LARGE1: variants seen among roughly 807,000 people sequenced by gnomAD.
LARGE1 encodes xylosyl- and glucuronyltransferase LARGE1.
LARGE1 carries 43 observed loss-of-function variants against 87.6 expected under a neutral mutation model. The observed-to-expected ratio is 0.49, with a 90% confidence interval of 0.38 to 0.63. LARGE1 has a LOEUF of 0.63. Ranked by LOEUF, LARGE1 falls within the 30% of genes least tolerant of loss-of-function variation. The pLI, the probability that LARGE1 is intolerant of heterozygous loss-of-function variation, is 0.00. For synonymous variants in LARGE1, 434 were observed against 394.6 expected (o/e 1.10, Z -1.18); for missense variants, 802 against 1,000.2 (o/e 0.80, Z 2.67).
At chr22:33,270,795 G>T (rs1446911106), downstream of LARGE1, among the ~76,000 whole-genome samples, 1 of 152,204 alleles carries the variant, frequency 6.6e-6, no homozygotes, top group Non-Finnish European at 1.5e-5. Flanking sequence ...CAGAATTAAA[G>T]TAGGGTCTGT....
At chr22:33,587,369 G>A (rs945618186) in intron 5 of LARGE1, among the ~76,000 whole-genome samples, 2 of 152,148 alleles carry the variant, frequency 1.3e-5, no homozygotes, top group Admixed American at 6.5e-5. Flanking sequence ...GTATTCTGAT[G>A]TTGACTTACA....
intron 11 of LARGE1, among the ~76,000 whole-genome samples, chr22:33,188,931 C>T (rs137408): frequency 0.42 from 64,261 of 151,826 alleles, 13,936 homozygotes; most frequent in Middle Eastern, 0.47. Context: ...CAGTCATGGG[C>T]TATGTCAAGG....
At position 33,303,845 on chromosome 22, in the gene LARGE1, G is replaced by A. The variant is rs149190054; in HGVS notation, c.1730+384C>T. Reference sequence around the variant, plus strand: ...TCACCATGTTGGCCAGGATGGTCTCGAACTCCTGACCTCGTGATCCACCTG... The same window carrying A: ...TCACCATGTTGGCCAGGATGGTCTCAAACTCCTGACCTCGTGATCCACCTG... On this transcript the variant is annotated intron_variant, in intron 12 of 14. Coordinates refer to ENST00000397394, the MANE Select transcript of LARGE1 (RefSeq NM_133642.5). Among the ~76,000 whole-genome samples, 961 of 151,848 alleles carry A rather than the reference G, an allele frequency of 6.3e-3. 6 individuals carry two copies. Among genetic ancestry groups the A allele is most frequent in the Non-Finnish European group, 0.011 (737 of 67,982 alleles).
At position 33,545,864 on chromosome 22, in the gene LARGE1, G is replaced by A. The variant is rs150968687; in HGVS notation, c.787+18984C>T. ...CTCCCGACGTGCTTGGATTACAGGC[G>A]TGAGCCATGGCAGGTGCCCTGGACA... On this transcript the variant is annotated intron_variant, in intron 6 of 14. Transcript: ENST00000397394. 3.3e-5 allele frequency among the ~76,000 whole-genome samples: 5 copies of A among 152,286 alleles called. No individual in the cohort carries two copies. The East Asian group carries it at 9.7e-4, about 29-fold the overall frequency.
intron 6 of LARGE1, among the ~76,000 whole-genome samples, chr22:33,533,951 A>G (rs557878286): frequency 1.7e-5 from 2 of 115,712 alleles, no homozygotes; most frequent in African/African-American, 6.6e-5. Context: ...CCATTTCTTT[A>G]TTTTTTTTTT....
chr22:33,141,169 AT>A, the LARGE1 span, among the ~76,000 whole-genome samples: 2 of 143,876 alleles, frequency 1.4e-5, no homozygotes, highest in African/African-American at 2.6e-5. Context: ...TATTCTCAGA[AT>A]CTCTCTCTCT....
At position 33,447,559 on chromosome 22, in the gene LARGE1, C is replaced by A. The variant is rs546580362; in HGVS notation, c.788-15294G>T. 2.0e-5 allele frequency among the ~76,000 whole-genome samples: 3 copies of A among 152,222 alleles called. No individual in the cohort carries two copies. In the South Asian group the frequency reaches 6.2e-4, roughly 32 times the overall value. Reference sequence around the variant, plus strand: ...CGTCCCAATGCACAGCCTCCTAGCACTCTCTTCCTGCTTGCTGAATAGAAT... The same window carrying A: ...CGTCCCAATGCACAGCCTCCTAGCAATCTCTTCCTGCTTGCTGAATAGAAT... On this transcript the variant is annotated intron_variant, in intron 6 of 14. Transcript: ENST00000397394.
At chr22:33,672,274 C>A (rs549849434) in intron 2 of LARGE1, among the ~76,000 whole-genome samples, 1 of 152,308 alleles carries the variant, frequency 6.6e-6, no homozygotes, top group East Asian at 1.9e-4. Context: ...CCACTCACAA[C>A]ACCTCCCTCA....
downstream of LARGE1, among the ~76,000 whole-genome samples, chr22:33,268,728 A>C (rs561065492): frequency 5.3e-5 from 8 of 152,206 alleles, no homozygotes; most frequent in South Asian, 1.7e-3. Context: ...CGCCCGGCCT[A>C]GTTGTTATAA....
At chr22:33,822,057 C>A (rs1004029260) in intron 1 of LARGE1, among the ~76,000 whole-genome samples, 1 of 147,430 alleles carries the variant, frequency 6.8e-6, no homozygotes, top group Admixed American at 6.9e-5. Context: ...TAAATATATT[C>A]TAAATTTTTC....
chr22:33,539,028 C>T (rs139416905), intron 6 of LARGE1, among the ~76,000 whole-genome samples: 422 of 152,248 alleles, frequency 2.8e-3, no homozygotes, highest in Middle Eastern at 0.017. Flanking sequence ...TAAAAATTCA[C>T]TGAACATAGT....
chr22:33,335,623 A>T (rs1435688075), intron 10 of LARGE1, among the ~76,000 whole-genome samples: 1 of 151,874 alleles, frequency 6.6e-6, no homozygotes, highest in Admixed American at 6.6e-5. Flanking sequence ...CCAACATACA[A>T]CCTCCTACCA....
intron 11 of LARGE1, among the ~76,000 whole-genome samples, chr22:33,305,358 T>TAAAAAA (rs60727771): frequency 1.0e-5 from 1 of 98,620 alleles, no homozygotes; most frequent in African/African-American, 3.4e-5. Flanking sequence ...GGGAAAAAAT[T>TAAAAAA]AAAAAAAAAA....
chr22:33,228,354 A>G (rs1319308569), intron 11 of LARGE1, among the ~76,000 whole-genome samples: 1 of 152,262 alleles, frequency 6.6e-6, no homozygotes, highest in Non-Finnish European at 1.5e-5. Context: ...TGACTGCTAC[A>G]TTGTTAGGCA....
At chr22:33,571,466 G>A (rs1422321430) in intron 5 of LARGE1, among the ~76,000 whole-genome samples, 4 of 152,146 alleles carry the variant, frequency 2.6e-5, no homozygotes, top group African/African-American at 7.2e-5. Context: ...CCAAAACACA[G>A]GGGATGGAGG....
chr22:33,226,226 T>TA (rs1233110778), intron 11 of LARGE1, among the ~76,000 whole-genome samples: 1 of 152,254 alleles, frequency 6.6e-6, no homozygotes, highest in Admixed American at 6.5e-5. Flanking sequence ...TCTCTGAGCT[T>TA]AAGTCCATTC....
At chr22:33,499,815 C>A (rs943636815) in intron 6 of LARGE1, among the ~76,000 whole-genome samples, 4 of 152,120 alleles carry the variant, frequency 2.6e-5, no homozygotes, top group African/African-American at 9.7e-5. Flanking sequence ...CTCTGTCCAC[C>A]CAGGCTAGAG....
At chr22:33,359,900 A>T (rs1264898004) in intron 9 of LARGE1, among the ~76,000 whole-genome samples, 1 of 149,470 alleles carries the variant, frequency 6.7e-6, no homozygotes, top group African/African-American at 2.5e-5. Flanking sequence ...GAGCTAGACA[A>T]TCTAGGAGTG....
At chr22:33,562,735 C>T (rs550532939) in intron 6 of LARGE1, among the ~76,000 whole-genome samples, 2 of 152,332 alleles carry the variant, frequency 1.3e-5, no homozygotes, top group South Asian at 2.1e-4. Context: ...CAGAGCGCCA[C>T]TAGCACTATA....
Sources: allele counts gnomAD v4.1 joint callset (sites outside exome capture counted in the v4.1 genomes callset), GRCh38; gene constraint gnomAD v4.1.1; transcripts MANE v1.5; gene names NCBI Gene and HGNC (gene_info 2026-07-23, HGNC 2026-07-21).